The following VAV3 variants were observed in gnomAD, a reference collection of about 807,000 sequenced individuals.
VAV3 encodes the protein vav guanine nucleotide exchange factor 3.
Under a neutral mutation model 131.2 loss-of-function variants are expected in VAV3, and 94 were observed. That is an observed-to-expected ratio of 0.72 (90% CI 0.61 to 0.85). The LOEUF (loss-of-function observed/expected upper bound fraction) is 0.85. Ranked by LOEUF, VAV3 falls within the 40% of genes least tolerant of loss-of-function variation. The probability of loss-of-function intolerance (pLI) is 0.00; values close to 1 mark genes in which losing one functional copy is unlikely to be tolerated. For synonymous variants in VAV3, 349 were observed against 342.0 expected (o/e 1.02, Z -0.22); for missense variants, 939 against 1,002.7 (o/e 0.94, Z 0.86).
chr1:107,737,762 G>A (rs1662750576), intron 15 of VAV3, among the ~76,000 whole-genome samples: 1 of 152,200 alleles, frequency 6.6e-6, no homozygotes, highest in Non-Finnish European at 1.5e-5. Flanking sequence ...TGGTGGGACT[G>A]TAAACTACTT....
At chr1:107,869,742 A>C (rs345321) in intron 2 of VAV3, among the ~76,000 whole-genome samples, 146,560 of 152,232 alleles carry the variant, frequency 0.96, 70,768 homozygotes, top group East Asian at 1. Context: ...TTGGTGCACC[A>C]ATCACCCGAG....
chr1:107,844,681 C>G (rs1321899304), intron 2 of VAV3, among the ~76,000 whole-genome samples: 1 of 152,172 alleles, frequency 6.6e-6, no homozygotes, highest in Non-Finnish European at 1.5e-5. Context: ...ATAAACAAAG[C>G]CTCCAGGAAG....
intron 15 of VAV3, among the ~76,000 whole-genome samples, chr1:107,744,102 G>A (rs1230151796): frequency 2.6e-5 from 4 of 152,152 alleles, no homozygotes; most frequent in Non-Finnish European, 4.4e-5. Flanking sequence ...GCTCAGGCAG[G>A]GGCTGCCGCT....
intron 25 of VAV3, among the ~76,000 whole-genome samples, chr1:107,579,113 C>T (rs1328148119): frequency 6.6e-6 from 1 of 152,186 alleles, no homozygotes; most frequent in African/African-American, 2.4e-5. Flanking sequence ...AAAGCCTTAT[C>T]ATCATTCGCA....
At chr1:107,833,977 T>G (rs1668368203) in intron 2 of VAV3, among the ~76,000 whole-genome samples, 1 of 152,236 alleles carries the variant, frequency 6.6e-6, no homozygotes, top group Admixed American at 6.5e-5. Flanking sequence ...CAGTATCAGA[T>G]CTCAATAAAC....
chr1:107,922,946 C>T (rs180708733), intron 1 of VAV3, among the ~76,000 whole-genome samples: 3,930 of 126,080 alleles, frequency 0.031, 74 homozygotes, highest in East Asian at 0.12. Flanking sequence ...AGCGAGACTC[C>T]GTCTCAAAAA....
chr1:107,738,497 C>A (rs1188721471), intron 15 of VAV3, among the ~76,000 whole-genome samples: 1 of 152,122 alleles, frequency 6.6e-6, no homozygotes, highest in Non-Finnish European at 1.5e-5. Context: ...TAGTCTTATT[C>A]AAAAATTGTT....
chr1:107,956,352 T>G (rs1211214184), intron 1 of VAV3, among the ~76,000 whole-genome samples: 1 of 152,186 alleles, frequency 6.6e-6, no homozygotes, highest in East Asian at 1.9e-4. Context: ...TCAAACTTTT[T>G]TTTCCTCAGG....
chr1:107,816,702 G>A (rs755696815), intron 2 of VAV3, among the ~76,000 whole-genome samples: 11 of 152,092 alleles, frequency 7.2e-5, no homozygotes, highest in South Asian at 2.1e-4. Context: ...ATAAATTCTC[G>A]TTGTAGATAA....
At chr1:107,917,993 A>G (rs1011786515) in intron 1 of VAV3, among the ~76,000 whole-genome samples, 1 of 152,234 alleles carries the variant, frequency 6.6e-6, no homozygotes, top group African/African-American at 2.4e-5. Context: ...ATAGAATAGA[A>G]TAACAGTTAA....
intron 12 of VAV3, among the ~76,000 whole-genome samples, chr1:107,753,391 A>G (rs980324991): frequency 2.6e-5 from 4 of 151,656 alleles, no homozygotes; most frequent in Non-Finnish European, 5.9e-5. Context: ...ACACAACATC[A>G]TGAATGCACT....
At chr1:107,886,954 A>G in intron 1 of VAV3, among the ~76,000 whole-genome samples, 1 of 152,264 alleles carries the variant, frequency 6.6e-6, no homozygotes, top group East Asian at 1.9e-4. Context: ...ACATTAACAA[A>G]TGTTCTACCA....
intron 25 of VAV3, among the ~76,000 whole-genome samples, chr1:107,589,182 G>C (rs1650744207): frequency 6.6e-6 from 1 of 152,178 alleles, no homozygotes; most frequent in African/African-American, 2.4e-5. Context: ...GAACTGCAGT[G>C]GGTCGAATGG....
chr1:107,749,057 G>T lies in VAV3; in HGVS notation c.1413C>A (p.Leu471=). The change falls in exon 15 of 27, where the codon CTC becomes CTA. Residue 471 remains leucine, a synonymous_variant. Transcript: ENST00000370056. ...ENKKWSYGFY[L]IHTQGQNGLE... ...ACCCATTTTGTCCTTGGGTATGGATGAGGTAGAAGCCATAAGACCACTGTT... is the reference window on the plus strand; with the variant it reads ...ACCCATTTTGTCCTTGGGTATGGATTAGGTAGAAGCCATAAGACCACTGTT... 6.2e-7 allele frequency: 1 copy of T among 1,608,402 alleles called. No individual in the cohort carries two copies. Among genetic ancestry groups the T allele is most frequent in the East Asian group, 2.2e-5 (1 of 44,730 alleles).
chr1:107,789,331 G>C (rs897574158), intron 2 of VAV3, among the ~76,000 whole-genome samples: 1 of 152,204 alleles, frequency 6.6e-6, no homozygotes, highest in African/African-American at 2.4e-5. Flanking sequence ...AATGCAGAAA[G>C]TCTCAGAAAG....
In VAV3 at chr1:107,964,909, G is replaced by T; in HGVS notation, c.-40C>A. ...GGACGCGGCTGGGCCGGGGCGGGCG[G>T]CAAGGATGCGGCCGCCGCCGCCGCC... On this transcript the variant is annotated 5_prime_UTR_variant, in exon 1 of 27. Coordinates refer to ENST00000370056, the MANE Select transcript of VAV3 (RefSeq NM_006113.5). 7.9e-7 allele frequency: 1 copy of T among 1,270,610 alleles called. No homozygotes were observed. Among genetic ancestry groups the T allele is most frequent in the East Asian group, 3.2e-5 (1 of 31,350 alleles). 78.7% of individuals were successfully genotyped at this position (1,270,610 alleles called of 1,614,324 possible).
rs953280938 is a variant in VAV3, at chr1:107,766,548, T to G, written c.720A>C (p.Glu240Asp). The change falls in exon 8 of 27, where the codon GAA becomes GAC. Residue 240 changes from glutamate (E) to aspartate (D), a missense_variant and splice_region_variant. Coordinates refer to ENST00000370056, the MANE Select transcript of VAV3 (RefSeq NM_006113.5). ...EFDSVFINIP[E>D]LVKLHRNLMQ... Reference sequence around the variant, plus strand: ...TTAGGTTCCGATGAAGTTTTACAAGTTCCTAAGAAAAGAAAACAATGTGAA... The same window carrying G: ...TTAGGTTCCGATGAAGTTTTACAAGGTCCTAAGAAAAGAAAACAATGTGAA... 6.2e-7 allele frequency: 1 copy of G among 1,611,218 alleles called. No individual in the cohort carries two copies. Among genetic ancestry groups the G allele is most frequent in the Non-Finnish European group, 8.5e-7 (1 of 1,178,260 alleles).
chr1:107,728,445 G>A (rs372326742), intron 15 of VAV3, among the ~76,000 whole-genome samples: 5 of 151,968 alleles, frequency 3.3e-5, no homozygotes, highest in African/African-American at 1.2e-4. Context: ...GGCATTTGAG[G>A]GAAAAATAAT....
chr1:107,948,092 T>A (rs763770969), intron 1 of VAV3, among the ~76,000 whole-genome samples: 1 of 152,236 alleles, frequency 6.6e-6, no homozygotes, highest in African/African-American at 2.4e-5. Flanking sequence ...GATTTACTCC[T>A]TTAAGCATCA....
Sources: allele counts gnomAD v4.1 joint callset (sites outside exome capture counted in the v4.1 genomes callset), GRCh38; gene constraint gnomAD v4.1.1; transcripts MANE v1.5; gene names NCBI Gene and HGNC (gene_info 2026-07-23, HGNC 2026-07-21).